The following LRRC4C variants were observed in gnomAD, a reference collection of about 807,000 sequenced individuals.
LRRC4C encodes leucine-rich repeat-containing protein 4C.
A neutral mutation model predicts 33.6 loss-of-function variants in LRRC4C; 5 were observed. The observed-to-expected ratio is 0.15, with a 90% CI of 0.08 to 0.31. The LOEUF is 0.31. Ranked by LOEUF, LRRC4C falls within the 10% of genes least tolerant of loss-of-function variation. The pLI is 1.00. For synonymous variants in LRRC4C, 329 were observed against 302.0 expected (o/e 1.09, Z -0.93); for missense variants, 560 against 796.7 (o/e 0.70, Z 3.58).
intron 3 of LRRC4C, among the ~76,000 whole-genome samples, chr11:40,499,123 A>G (rs1954616031): frequency 6.6e-6 from 1 of 152,302 alleles, no homozygotes; most frequent in Non-Finnish European, 1.5e-5. Context: ...GCTTGGCAGG[A>G]GAGCCTCCCT....
chr11:40,475,387 TG>T (rs1180201698), intron 3 of LRRC4C, among the ~76,000 whole-genome samples: 15 of 151,914 alleles, frequency 9.9e-5, no homozygotes, highest in Non-Finnish European at 1.8e-4. Flanking sequence ...CACTCAAAAG[TG>T]GAAGTTGAAC....
intron 1 of LRRC4C, among the ~76,000 whole-genome samples, chr11:41,261,363 AT>A (rs1034969690): frequency 3.3e-5 from 5 of 151,964 alleles, no homozygotes; most frequent in South Asian, 2.1e-4. Flanking sequence ...AGTATAAGGT[AT>A]TTTTTTTGTA....
intron 3 of LRRC4C, among the ~76,000 whole-genome samples, chr11:40,417,327 TTTTA>T (rs949934860): frequency 6.6e-6 from 1 of 151,538 alleles, no homozygotes; most frequent in African/African-American, 2.4e-5. Flanking sequence ...ATGATTTTTT[TTTTA>T]TTTATTTATT....
intron 1 of LRRC4C, among the ~76,000 whole-genome samples, chr11:41,014,437 A>G (rs1365211430): frequency 6.6e-6 from 1 of 151,676 alleles, no homozygotes; most frequent in Admixed American, 6.6e-5. Context: ...TACCAAGAGC[A>G]CAGTGCATGT....
chr11:41,352,159 G>T (rs866919874), intron 1 of LRRC4C, among the ~76,000 whole-genome samples: 5 of 152,076 alleles, frequency 3.3e-5, no homozygotes, highest in African/African-American at 2.4e-5. Context: ...TCAAAATAAA[G>T]GAGAAAGATC....
chr11:40,341,535 T>C (rs960314887), intron 3 of LRRC4C, among the ~76,000 whole-genome samples: 6 of 120,188 alleles, frequency 5.0e-5, no homozygotes, highest in African/African-American at 1.9e-4. Flanking sequence ...TGGGGCCTGT[T>C]GTGGGGTGGG....
At chr11:40,602,041 A>AC (rs765602480) in intron 3 of LRRC4C, among the ~76,000 whole-genome samples, 5 of 151,366 alleles carry the variant, frequency 3.3e-5, no homozygotes, top group Non-Finnish European at 7.4e-5. Flanking sequence ...ATACAAAAAA[A>AC]AAATTTAGCT....
intron 5 of LRRC4C, among the ~76,000 whole-genome samples, chr11:40,239,744 AC>A (rs1280778791): frequency 4.6e-5 from 7 of 152,336 alleles, no homozygotes; most frequent in African/African-American, 1.7e-4. Context: ...TGTTTTCTCA[AC>A]ACTTAATAAT....
intron 4 of LRRC4C, among the ~76,000 whole-genome samples, chr11:40,250,052 C>G (rs966968595): frequency 2.6e-5 from 4 of 152,162 alleles, no homozygotes; most frequent in Admixed American, 6.6e-5. Context: ...CTTCATTGTT[C>G]TTGTTCTGTA....
chr11:41,432,876 G>A (rs1955289743), intron 1 of LRRC4C, among the ~76,000 whole-genome samples: 1 of 152,138 alleles, frequency 6.6e-6, no homozygotes, highest in Non-Finnish European at 1.5e-5. Context: ...GCACTTTATA[G>A]TCTGCAGGAA....
At chr11:40,136,125 C>T (rs1237740773) in intron 6 of LRRC4C, among the ~76,000 whole-genome samples, 2 of 151,834 alleles carry the variant, frequency 1.3e-5, no homozygotes, top group African/African-American at 4.8e-5. Context: ...TGCATGTAAG[C>T]GTTGTCTGTG....
chr11:40,697,948 G>T (rs1468881160), intron 2 of LRRC4C, among the ~76,000 whole-genome samples: 2 of 151,548 alleles, frequency 1.3e-5, no homozygotes, highest in Non-Finnish European at 2.9e-5. Flanking sequence ...GGCGCCTGTA[G>T]TCCCAGCTAC....
chr11:41,025,139 C>T (rs1856253227), intron 1 of LRRC4C, among the ~76,000 whole-genome samples: 1 of 151,456 alleles, frequency 6.6e-6, no homozygotes, highest in Admixed American at 6.6e-5. Flanking sequence ...TGAAATTAGG[C>T]CAATTAATAA....
intron 1 of LRRC4C, among the ~76,000 whole-genome samples, chr11:41,438,269 T>A (rs1955505626): frequency 6.6e-6 from 1 of 152,038 alleles, no homozygotes; most frequent in Non-Finnish European, 1.5e-5. Context: ...CTATAGTAAA[T>A]CTATTATTGT....
intron 6 of LRRC4C, among the ~76,000 whole-genome samples, chr11:40,126,082 GT>G (rs1441326600): frequency 6.7e-6 from 1 of 149,278 alleles, no homozygotes; most frequent in Non-Finnish European, 1.5e-5. Context: ...AACCTGTCAA[GT>G]TAACAAGCAG....
intron 1 of LRRC4C, among the ~76,000 whole-genome samples, chr11:41,223,861 C>T (rs182470167): frequency 2.9e-4 from 44 of 152,242 alleles, no homozygotes; most frequent in Admixed American, 6.5e-4. Flanking sequence ...GTGCCATACA[C>T]GTAGTTGATG....
At chr11:40,984,105 T>C (rs1852739581) in intron 1 of LRRC4C, among the ~76,000 whole-genome samples, 1 of 147,666 alleles carries the variant, frequency 6.8e-6, no homozygotes, top group South Asian at 2.1e-4. Context: ...TTCAATCCTA[T>C]AACAGTACTA....
chr11:40,888,299 G>GCTTTCTTATTT (rs1480399582), intron 2 of LRRC4C, among the ~76,000 whole-genome samples: 1 of 151,868 alleles, frequency 6.6e-6, no homozygotes, highest in Non-Finnish European at 1.5e-5. Context: ...TTTAGGTAAA[G>GCTTTCTTATTT]TTGTATGGGC....
At chr11:40,993,977 C>T (rs1853776354) in intron 1 of LRRC4C, among the ~76,000 whole-genome samples, 1 of 151,748 alleles carries the variant, frequency 6.6e-6, no homozygotes, top group African/African-American at 2.4e-5. Context: ...TATCCCCTTG[C>T]TGTGGATAAC....
Sources: gnomAD v4.1 joint callset for allele counts (sites outside exome capture counted in the v4.1 genomes callset) on GRCh38, gnomAD v4.1.1 for gene constraint, MANE v1.5 for transcripts, NCBI Gene and HGNC (gene_info 2026-07-23, HGNC 2026-07-21) for gene names.